The following PKD1 variants were observed in gnomAD, a reference collection of about 807,000 sequenced individuals.
PKD1 encodes the protein polycystin-1.
PKD1 carries 81 observed loss-of-function variants against 361.7 expected under a neutral mutation model. The observed-to-expected ratio is 0.22, with a 90% CI of 0.19 to 0.27. PKD1 has a LOEUF of 0.27. Among genes scored for constraint, PKD1 ranks in the 10% least tolerant of loss-of-function variants. The pLI is 1.00. For synonymous variants in PKD1, 3,615 were observed against 2,818.3 expected (o/e 1.28, Z -8.95); for missense variants, 6,399 against 6,118.3 (o/e 1.05, Z -1.53).
At position 2,114,054 on chromosome 16, in the gene PKD1, G is replaced by A. The variant is rs541115394; in HGVS notation, c.2853+116C>T. On this transcript the variant is annotated intron_variant, in intron 11 of 45. Transcript: ENST00000262304. ...CCAGCAGGACCTGCCCGGGGCCGACGTCCCCAGTAACTGGGCTGCTGCCCT... is the reference window on the plus strand; with the variant it reads ...CCAGCAGGACCTGCCCGGGGCCGACATCCCCAGTAACTGGGCTGCTGCCCT... 191 of 905,108 alleles carry A rather than the reference G, an allele frequency of 2.1e-4. No homozygotes were observed. In the African/African-American group the frequency reaches 2.7e-3, roughly 13 times the overall value. The allele number at this position is 905,108 out of a possible 1,614,324, so 56.1% of individuals were successfully genotyped here. A position where few individuals can be genotyped will look rare whatever the true frequency, so the allele number is the denominator to read the frequency against.
rs1238697238 is a variant in PKD1, at chr16:2,112,362, G to A, written c.3273C>T (p.Val1091=). The A allele has an allele frequency of 6.3e-7, 1 of 1,586,802 alleles. No individual in the cohort carries two copies. Among genetic ancestry groups the A allele is most frequent in the Non-Finnish European group, 8.5e-7 (1 of 1,174,050 alleles). ...CACCTGGGGCAGCGTAGGTGTGCAT[G>A]ACATTGTGCTCCACCAGCACCTGGG... ...SVAQVLVEHN[V]MHTYAAPGEY... Residue 1091 remains valine (V), a synonymous_variant, in exon 14 of 46, where the codon GTC becomes GTT. Transcript: ENST00000262304.
chr16:2,110,332 G>T lies in PKD1; in HGVS notation c.4835C>A (p.Thr1612Lys). 1 of 1,612,668 alleles carries T rather than the reference G, an allele frequency of 6.2e-7. No individual in the cohort carries two copies. The highest frequency in any genetic ancestry group is 8.5e-7 in the Non-Finnish European group (1 of 1,179,854). The change falls in exon 15 of 46, where the codon ACG (threonine) becomes AAG (lysine). Residue 1612 changes from threonine to lysine, a missense_variant. By Grantham distance (78) the Thr-to-Lys change is moderately conservative. Transcript: ENST00000262304. Reference sequence around the variant, plus strand: ...GGCGGAGCCCACCTCGTTCTCAGCCGTGACGATGATATTGAAGGTGCCCAC... The same window carrying T: ...GGCGGAGCCCACCTCGTTCTCAGCCTTGACGATGATATTGAAGGTGCCCAC... Reference protein sequence around the residue: ...RSVGTFNIIVTAENEVGSAQD... With the variant: ...RSVGTFNIIVKAENEVGSAQD...
Position 2,113,300 on chromosome 16 carries a change from G to T in PKD1, c.2854-8C>A, listed in dbSNP as rs368615278. ...CACCACGGGGCTGTACCTCTGCGGG[G>T]GGAATGGTGTCAGCCTGGGCTCTGT... On this transcript the variant is annotated splice_region_variant and splice_polypyrimidine_tract_variant and intron_variant, in intron 11 of 45. Transcript: ENST00000262304. 15 of 1,595,438 alleles carry T rather than the reference G, an allele frequency of 9.4e-6. No individual in the cohort carries two copies. In the African/African-American group the frequency reaches 2.0e-4, roughly 21 times the overall value.
intron 11 of PKD1, chr16:2,113,946 A>G (rs1285364413): frequency 6.7e-6 from 4 of 595,866 alleles, no homozygotes; most frequent in Non-Finnish European, 1.2e-5. Flanking sequence ...GTGAAATGAG[A>G]CAGTGGAATG....
Position 2,103,290 on chromosome 16 carries a change from G to T in PKD1, c.8767C>A (p.Gln2923Lys), listed in dbSNP as rs747638599. The part of the protein sequence containing the change: ...SSNPAAGLHL[Q>K]LNYTLLDGHY... ...CCGTCCAGCAGCGTATAGTTGAGCT[G>T]CAGATGCAGCCCGGCCGCAGGGTTG... Residue 2923 changes from glutamine to lysine, a missense_variant, in exon 23 of 46, where the codon CAG becomes AAG. Transcript: ENST00000262304. The T allele has an allele frequency of 6.2e-7, 1 of 1,609,478 alleles. No individual in the cohort carries two copies. Among genetic ancestry groups the T allele is most frequent in the African/African-American group, 1.3e-5 (1 of 74,852 alleles).
chr16:2,105,586 C>G, intron 20 of PKD1, 112 bp from the exon 21 acceptor site: 1 of 1,590,232 alleles, frequency 6.3e-7, no homozygotes, highest in Non-Finnish European at 8.5e-7. Context: ...CTGTGTGATG[C>G]GGGCACTGAC....
At position 2,106,474 on chromosome 16, in the gene PKD1, C is replaced by G; in HGVS notation, c.7413G>C (p.Pro2471=). The G allele has an allele frequency of 6.3e-7, 1 of 1,589,624 alleles. No homozygotes were observed. ...ASIRLSPNRP[P]LGGSCRLFPL... is the part of the protein sequence containing the mutation. ...GGAAGAGGCGGCAAGAGCCCCCCAG[C>G]GGCGGGCGGTTGGGGGACAGGCGGA... is the stretch of plus-strand genomic sequence containing the variant. Residue 2471 remains proline (P), a synonymous_variant, in exon 18 of 46, where the codon CCG becomes CCC. Coordinates refer to ENST00000262304, the MANE Select transcript of PKD1 (RefSeq NM_001009944.3). This position sits in a 1 kb window ranked among gnomAD's most constrained non-coding sequence, Gnocchi z 6.5.
rs370835086 is a variant in PKD1, at chr16:2,100,339, C to T, written c.9569-30G>A. On this transcript the variant is annotated intron_variant, in intron 27 of 45. Coordinates refer to ENST00000262304, the MANE Select transcript of PKD1 (RefSeq NM_001009944.3). This position sits in a 1 kb window ranked among gnomAD's most constrained non-coding sequence, Gnocchi z 4.4. ...AGAGGCGCAGGAGGGAGGTCAGGCTCGCAGGGCGCCCCAATGCGGGGGCAG... is the reference window on the plus strand; with the variant it reads ...AGAGGCGCAGGAGGGAGGTCAGGCTTGCAGGGCGCCCCAATGCGGGGGCAG... 3.2e-5 allele frequency: 51 copies of T among 1,610,398 alleles called. No homozygotes were observed. The African/African-American group carries it at 5.5e-4, about 17-fold the overall frequency.
At chr16:2,113,010 G>A in intron 12 of PKD1, 47 bp from the exon 13 acceptor site, 6 of 1,542,596 alleles carry the variant, frequency 3.9e-6, no homozygotes, top group Non-Finnish European at 5.3e-6. Context: ...TGAGAGGCCT[G>A]GCCCTGATTG....
chr16:2,090,767 A>G lies in PKD1; in HGVS notation c.12045T>C (p.Phe4015=), dbSNP rs753820510. Residue 4015 remains phenylalanine, a synonymous_variant, in exon 44 of 46, where the codon TTT becomes TTC. Coordinates refer to ENST00000262304, the MANE Select transcript of PKD1 (RefSeq NM_001009944.3). ...QLRFVRQWSV[F]GKTLCRALPE... is the part of the protein sequence containing the mutation. ...GCAGAGCTCGGCATAATGTCTTGCC[A>G]AAGACGGACCACTGGCGCACGAAGC... 6.2e-6 allele frequency: 10 copies of G among 1,612,626 alleles called. No homozygotes were observed. Among genetic ancestry groups the G allele is most frequent in the South Asian group, 1.1e-5 (1 of 91,092 alleles).
Position 2,091,087 on chromosome 16 carries a change from C to T in PKD1, c.11800G>A (p.Gly3934Arg), listed in dbSNP as rs1359688992. 8 of 1,506,240 alleles carry T rather than the reference C, an allele frequency of 5.3e-6. No individual in the cohort carries two copies. Among genetic ancestry groups the T allele is most frequent in the Non-Finnish European group, 7.1e-6 (8 of 1,132,928 alleles). The allele number at this position is 1,506,240 out of a possible 1,614,324, so 93.3% of individuals were successfully genotyped here. A position where few individuals can be genotyped will look rare whatever the true frequency, so the allele number is the denominator to read the frequency against. The part of the protein sequence containing the change: ...REGRWRVLRL[G>R]AWARWLLVAL... ...ACCAGCAGCCACCGCGCCCAGGCTC[C>T]GAGCCGCAGCACGCGCCAGCGCCCT... Residue 3934 changes from glycine (G) to arginine (R), a missense_variant, in exon 43 of 46, where the codon GGA becomes AGA. By Grantham distance (125) the Gly-to-Arg change is moderately radical. Transcript: ENST00000262304.
At chr16:2,092,661 G>T in intron 38 of PKD1, 69 bp from the exon 39 acceptor site, 1 of 1,116,930 alleles carries the variant, frequency 9.0e-7, no homozygotes, top group Non-Finnish European at 1.3e-6. Flanking sequence ...GCGGCCACCA[G>T]AGACCCAGGG....
intron 16 of PKD1, chr16:2,107,545 G>A (rs1376111503): frequency 2.3e-5 from 10 of 436,540 alleles, no homozygotes; most frequent in Admixed American, 3.5e-5. Context: ...GGGAGCGTGA[G>A]GGTGAGAACC....
At position 2,114,524 on chromosome 16, in the gene PKD1, G is replaced by T; in HGVS notation, c.2499C>A (p.Asp833Glu). Residue 833 changes from aspartate to glutamate, a missense_variant, in exon 11 of 46, where the codon GAC becomes GAA. Asp to Glu is a conservative substitution (Grantham distance 45, BLOSUM62 2). Coordinates refer to ENST00000262304, the MANE Select transcript of PKD1 (RefSeq NM_001009944.3). ...CGTTGGTGGGCACGTAGAGGCGGCC[G>T]TCGCGGGGGGCAGGGTAGATGACCC... is the stretch of plus-strand genomic sequence containing the variant. ...GLRVIYPAPRDGRLYVPTNGS... is the reference protein window; with the variant it reads ...GLRVIYPAPREGRLYVPTNGS... The T allele has an allele frequency of 6.3e-7, 1 of 1,594,076 alleles. No homozygotes were observed. Among genetic ancestry groups the T allele is most frequent in the Middle Eastern group, 2.3e-4 (1 of 4,424 alleles).
chr16:2,107,166 T>G lies in PKD1; in HGVS notation c.7066-218A>C, dbSNP rs2151778735. The G allele has an allele frequency of 4.8e-6, 3 of 623,476 alleles. No individual in the cohort carries two copies. The East Asian group carries it at 8.5e-5, about 18-fold the overall frequency. The allele number at this position is 623,476 out of a possible 1,614,324, so 38.6% of individuals were successfully genotyped here. A position where few individuals can be genotyped will look rare whatever the true frequency, so the allele number is the denominator to read the frequency against. On this transcript the variant is annotated intron_variant, in intron 16 of 45. Transcript: ENST00000262304. The stretch of plus-strand genomic sequence containing the variant: ...GGGCAGAGGACACTGGAGTGTGCGT[T>G]CTGGTGTACTGGACCCAGCTGGACC...
chr16:2,106,553 G>A lies in PKD1; in HGVS notation c.7334C>T (p.Thr2445Ile), dbSNP rs776141574. The A allele has an allele frequency of 1.0e-5, 16 of 1,596,718 alleles. No homozygotes were observed. In the South Asian group the frequency reaches 1.5e-4, roughly 15 times the overall value. Residue 2445 changes from threonine (T) to isoleucine (I), a missense_variant, in exon 18 of 46, where the codon ACC becomes ATC. By Grantham distance (89) the Thr-to-Ile change is moderately conservative. Transcript: ENST00000262304. This position sits in a 1 kb window ranked among gnomAD's most constrained non-coding sequence, Gnocchi z 6.5. ...RGVLRDGEGY[T>I]FTLTVLGRSG... ...GCGGCCCAGCACCGTGAGCGTGAAGGTGTATCCCTCGCCGTCCCGCAGCAC... is the reference window on the plus strand; with the variant it reads ...GCGGCCCAGCACCGTGAGCGTGAAGATGTATCCCTCGCCGTCCCGCAGCAC...
In PKD1 at chr16:2,110,137, G is replaced by A. The variant is rs1193307469; in HGVS notation, c.5030C>T (p.Ala1677Val). 3 of 1,609,522 alleles carry A rather than the reference G, an allele frequency of 1.9e-6. No individual in the cohort carries two copies. Among genetic ancestry groups the A allele is most frequent in the South Asian group, 2.2e-5 (2 of 90,858 alleles). Residue 1677 changes from alanine (A) to valine (V), a missense_variant, in exon 15 of 46, where the codon GCC (alanine) becomes GTC (valine). Coordinates refer to ENST00000262304, the MANE Select transcript of PKD1 (RefSeq NM_001009944.3). Reference protein sequence around the residue: ...TAWRDRGPALAGSGKGFSLTV... With the variant: ...TAWRDRGPALVGSGKGFSLTV... Reference sequence around the variant, plus strand: ...GAGCGAGAAGCCTTTGCCGCTGCCGGCCAGGGCCGGGCCCCTGTCCCTCCA... The same window carrying A: ...GAGCGAGAAGCCTTTGCCGCTGCCGACCAGGGCCGGGCCCCTGTCCCTCCA...
At chr16:2,091,992 G>A in intron 40 of PKD1, 55 bp downstream of exon 40, 1 of 1,612,410 alleles carries the variant, frequency 6.2e-7, no homozygotes, top group Non-Finnish European at 8.5e-7. Flanking sequence ...CGGCACTCCT[G>A]GAGAACTACT....
In PKD1 at chr16:2,097,420, C is replaced by T. The variant is rs140189010; in HGVS notation, c.10304G>A (p.Arg3435Gln). 8,238 of 1,608,934 alleles carry T rather than the reference C, an allele frequency of 5.1e-3. 30 individuals carry two copies. The highest frequency in any genetic ancestry group is 6.7e-3 in the Non-Finnish European group (7,852 of 1,179,914). The change falls in exon 33 of 46, where the codon CGG becomes CAG. Residue 3435 changes from arginine to glutamine, a missense_variant. Coordinates refer to ENST00000262304, the MANE Select transcript of PKD1 (RefSeq NM_001009944.3). ...GCCCGCCTGGCCCCGTGCCAGCTGC[C>T]GCAGATTGCTACCCACAATGGACGG... is the stretch of plus-strand genomic sequence containing the variant. ...SDPSIVGSNL[R>Q]QLARGQAGHG... is the part of the protein sequence containing the mutation.
Sources: gnomAD v4.1 joint callset for allele counts on GRCh38, gnomAD v4.1.1 for gene constraint, Gnocchi (gnomAD v3.1) non-coding constraint, MANE v1.5 for transcripts, NCBI Gene and HGNC (gene_info 2026-07-23, HGNC 2026-07-21) for gene names.